FBXL4: variants seen among roughly 807,000 people sequenced by gnomAD.
FBXL4 encodes the protein F-box and leucine rich repeat protein 4.
A neutral mutation model predicts 58.9 loss-of-function variants in FBXL4; 40 were observed. The ratio of observed to expected loss-of-function variants is 0.68; its 90% confidence interval spans 0.53 to 0.88. FBXL4 has a LOEUF of 0.88. Among genes scored for constraint, FBXL4 ranks in the 40% least tolerant of loss-of-function variants. The pLI is 0.00. For synonymous variants in FBXL4, 263 were observed against 265.5 expected (o/e 0.99, Z 0.09); for missense variants, 676 against 734.4 (o/e 0.92, Z 0.92).
chr6:98,934,918 C>T (rs555489493), intron 1 of FBXL4, 39 bp from the exon 2 acceptor site: 1 of 152,290 alleles, frequency 6.6e-6, no homozygotes, highest in East Asian at 1.9e-4. Flanking sequence ...CAGAGGTAAA[C>T]AGTACCACTC....
chr6:98,915,822 G>C (rs1169703434), intron 5 of FBXL4, among the ~76,000 whole-genome samples: 1 of 151,210 alleles, frequency 6.6e-6, no homozygotes, highest in Non-Finnish European at 1.5e-5. Flanking sequence ...TGACAAATGG[G>C]ATCTAATTAA....
At chr6:98,903,171 C>A (rs195824) in intron 6 of FBXL4, among the ~76,000 whole-genome samples, 49,742 of 151,924 alleles carry the variant, frequency 0.33, 9,301 homozygotes, top group East Asian at 0.69. Context: ...CTTCATAGTA[C>A]TGAGCATAAA....
intron 1 of FBXL4, among the ~76,000 whole-genome samples, chr6:98,944,284 AAT>A (rs1773539847): frequency 6.6e-6 from 1 of 152,216 alleles, no homozygotes; most frequent in South Asian, 2.1e-4. Flanking sequence ...AACACTAAAG[AAT>A]AGACTATGAG....
In FBXL4 at chr6:98,872,515, C is replaced by A. The variant is rs567573579; in HGVS notation, c.*1763G>T. On this transcript the variant is annotated 3_prime_UTR_variant, in exon 10 of 10. Transcript: ENST00000369244. Reference sequence around the variant, plus strand: ...TGATCCTCCCTGTAAATATTTAATTCTTTTCATTAGTAAACCCGTATTACA... The same window carrying A: ...TGATCCTCCCTGTAAATATTTAATTATTTTCATTAGTAAACCCGTATTACA... 20 of 152,182 alleles carry A rather than the reference C, an allele frequency of 1.3e-4. No homozygotes were observed. Among genetic ancestry groups the A allele is most frequent in the Admixed American group, 9.8e-4 (15 of 15,282 alleles). 9.4% of individuals were successfully genotyped at this position (152,182 alleles called of 1,614,324 possible).
chr6:98,915,506 A>C (rs1264165199), intron 5 of FBXL4, among the ~76,000 whole-genome samples: 1 of 151,506 alleles, frequency 6.6e-6, no homozygotes, highest in Non-Finnish European at 1.5e-5. Flanking sequence ...AGCCCTCAGA[A>C]ATAACGCCAC....
intron 7 of FBXL4, chr6:98,898,515 GA>G (rs1771486158): frequency 1.1e-6 from 1 of 907,654 alleles, no homozygotes; most frequent in Admixed American, 6.2e-5. Flanking sequence ...TGAGGCAGGA[GA>G]ATCGCTTGAA....
chr6:98,928,327 C>T (rs769223718), intron 2 of FBXL4, among the ~76,000 whole-genome samples: 31 of 151,454 alleles, frequency 2.0e-4, no homozygotes, highest in Non-Finnish European at 2.9e-4. Flanking sequence ...GATGTACCAA[C>T]TTTTCTTTTT....
chr6:98,930,327 G>A (rs1772966266), intron 2 of FBXL4, among the ~76,000 whole-genome samples: 1 of 152,212 alleles, frequency 6.6e-6, no homozygotes, highest in African/African-American at 2.4e-5. Flanking sequence ...GGCCCAGGTG[G>A]GAGAATCACT....
intron 1 of FBXL4, among the ~76,000 whole-genome samples, chr6:98,947,482 G>T (rs1773665974): frequency 6.6e-6 from 1 of 152,240 alleles, no homozygotes; most frequent in Admixed American, 6.5e-5. Context: ...GGTGTGGGGC[G>T]ACCCGCAGTC....
At chr6:98,893,411 G>T (rs1016771749) in intron 7 of FBXL4, among the ~76,000 whole-genome samples, 1 of 152,002 alleles carries the variant, frequency 6.6e-6, no homozygotes, top group Non-Finnish European at 1.5e-5. Flanking sequence ...TTCTTCCATT[G>T]TCTTCACATG....
intron 1 of FBXL4, among the ~76,000 whole-genome samples, chr6:98,941,104 C>T (rs989519030): frequency 6.6e-5 from 10 of 151,992 alleles, no homozygotes; most frequent in African/African-American, 1.9e-4. Context: ...TACATCCAAC[C>T]AAAAACCTGT....
chr6:98,919,484 G>A (rs1053092690), intron 4 of FBXL4, among the ~76,000 whole-genome samples: 1 of 152,146 alleles, frequency 6.6e-6, no homozygotes, highest in Non-Finnish European at 1.5e-5. Flanking sequence ...TGCAAGGCAG[G>A]GAAAGAGTTC....
intron 1 of FBXL4, among the ~76,000 whole-genome samples, chr6:98,935,212 A>T (rs903769504): frequency 6.6e-6 from 1 of 151,984 alleles, no homozygotes; most frequent in Non-Finnish European, 1.5e-5. Flanking sequence ...ATATTTCATA[A>T]TCAATCTTTA....
At position 98,899,418 on chromosome 6, in the gene FBXL4, A is replaced by G. The variant is rs1322745455; in HGVS notation, c.1167T>C (p.Asn389=). Residue 389 remains asparagine, a synonymous_variant, in exon 7 of 10, where the codon AAT becomes AAC. Transcript: ENST00000369244. The stretch of plus-strand genomic sequence containing the variant: ...CAGAAATAACTTCTAAGCAAGTTTC[A>G]TTAAGAAAGTGGCTGCAAGACAATT... ...RLELSCSHFL[N]ETCLEVISEM... 1 of 1,614,018 alleles carries G rather than the reference A, an allele frequency of 6.2e-7. No homozygotes were observed. The highest frequency in any genetic ancestry group is 1.7e-5 in the Admixed American group (1 of 59,962).
chr6:98,925,262 A>T (rs1772734197), intron 4 of FBXL4, among the ~76,000 whole-genome samples: 1 of 152,218 alleles, frequency 6.6e-6, no homozygotes, highest in Non-Finnish European at 1.5e-5. Flanking sequence ...TCTGTAGGCG[A>T]GGCTTTGGCA....
intron 4 of FBXL4, among the ~76,000 whole-genome samples, chr6:98,926,130 T>A (rs1385050493): frequency 6.6e-6 from 1 of 152,322 alleles, no homozygotes; most frequent in African/African-American, 2.4e-5. Flanking sequence ...TTAAAAGTAG[T>A]AACATGATGC....
At chr6:98,934,438 G>A (rs186130313) in intron 2 of FBXL4, among the ~76,000 whole-genome samples, 3 of 151,792 alleles carry the variant, frequency 2.0e-5, no homozygotes, top group East Asian at 3.9e-4. Context: ...GAGACAGGCC[G>A]TAATATAACA....
At chr6:98,927,369 A>C (rs550963891) in intron 3 of FBXL4, among the ~76,000 whole-genome samples, 1 of 152,320 alleles carries the variant, frequency 6.6e-6, no homozygotes, top group South Asian at 2.1e-4. Flanking sequence ...TAAGTCTTTG[A>C]ATCTGAAAAT....
intron 6 of FBXL4, 57 bp downstream of exon 6, chr6:98,905,368 TA>T: frequency 1.3e-6 from 2 of 1,577,836 alleles, no homozygotes. Context: ...AACCACTACA[TA>T]ATAAGTATAA....
Sources: gnomAD v4.1 joint callset for allele counts (sites outside exome capture counted in the v4.1 genomes callset) on GRCh38, gnomAD v4.1.1 for gene constraint, MANE v1.5 for transcripts, NCBI Gene and HGNC (gene_info 2026-07-23, HGNC 2026-07-21) for gene names.